The following GRIK1 variants were observed in gnomAD, a reference collection of about 807,000 sequenced individuals.
GRIK1 encodes the protein glutamate receptor ionotropic, kainate 1.
GRIK1 carries 69 observed loss-of-function variants against 105.7 expected under a neutral mutation model. The ratio of observed to expected loss-of-function variants is 0.65; its 90% CI spans 0.54 to 0.80. GRIK1 has a LOEUF of 0.80. Ranked by LOEUF, GRIK1 falls within the 30% of genes least tolerant of loss-of-function variation. The pLI is 0.00. For missense variants in GRIK1, 1,109 were observed against 1,167.3 expected (o/e 0.95, Z 0.73); for synonymous variants, 438 against 431.3 (o/e 1.02, Z -0.19).
chr21:29,918,845 A>T (rs2071093485), intron 1 of GRIK1, among the ~76,000 whole-genome samples: 1 of 152,066 alleles, frequency 6.6e-6, no homozygotes, highest in South Asian at 2.1e-4. Context: ...GAGATATTTC[A>T]GCCCCAATTG....
At chr21:29,760,268 G>T in intron 1 of GRIK1, 1 of 152,388 alleles carries the variant, frequency 6.6e-6, no homozygotes, top group Non-Finnish European at 1.5e-5. Flanking sequence ...TGGCCTGGTC[G>T]TCAGAGTATA....
At position 29,595,900 on chromosome 21, in the gene GRIK1, G is replaced by A. The variant is rs562690165; in HGVS notation, c.1251+626C>T. The A allele has an allele frequency of 1.5e-4, 24 of 161,258 alleles. No individual in the cohort carries two copies. The South Asian group carries it at 4.5e-3, about 30-fold the overall frequency. The allele number at this position is 161,258 out of a possible 1,614,324, so 10.0% of individuals were successfully genotyped here. On this transcript the variant is annotated intron_variant, in intron 9 of 17. Coordinates refer to ENST00000327783, the MANE Select transcript of GRIK1 (RefSeq NM_001330994.2). ...TATAATAAACTATAAAATAGTGGGT[G>A]TTATAATTCACAAGATAATCTCATT...
intron 1 of GRIK1, among the ~76,000 whole-genome samples, chr21:29,762,005 C>A (rs1228146408): frequency 2.0e-5 from 3 of 152,236 alleles, no homozygotes; most frequent in Admixed American, 2.0e-4. Context: ...GCCTTGGCCT[C>A]CCAAGTGCTG....
intron 14 of GRIK1, among the ~76,000 whole-genome samples, chr21:29,574,780 C>T (rs1264415474): frequency 1.3e-5 from 2 of 150,712 alleles, no homozygotes; most frequent in African/African-American, 4.9e-5. Flanking sequence ...CTCCGCCTCC[C>T]GGGTTCACGC....
chr21:29,543,443 G>A (rs2090002004), intron 16 of GRIK1, among the ~76,000 whole-genome samples: 1 of 152,180 alleles, frequency 6.6e-6, no homozygotes, highest in Admixed American at 6.5e-5. Context: ...GTGAAGGCAG[G>A]TGGAAGGAGA....
chr21:29,858,181 G>A (rs556739920), intron 1 of GRIK1, among the ~76,000 whole-genome samples: 5 of 152,288 alleles, frequency 3.3e-5, no homozygotes, highest in African/African-American at 1.2e-4. Context: ...TTACAGGCAT[G>A]AGCCACTGTG....
At chr21:29,858,109 A>C (rs970279303) in intron 1 of GRIK1, among the ~76,000 whole-genome samples, 1 of 152,120 alleles carries the variant, frequency 6.6e-6, no homozygotes, top group African/African-American at 2.4e-5. Context: ...TATGTTGGCC[A>C]GCTGGTCTCG....
chr21:29,850,237 C>T (rs68055656), intron 1 of GRIK1, among the ~76,000 whole-genome samples: 48,881 of 151,982 alleles, frequency 0.32, 8,544 homozygotes, highest in East Asian at 0.46. Flanking sequence ...ATAAATGGAA[C>T]ATTTATGTAG....
intron 1 of GRIK1, among the ~76,000 whole-genome samples, chr21:29,696,465 A>C (rs1445014249): frequency 6.6e-6 from 1 of 152,158 alleles, no homozygotes; most frequent in Non-Finnish European, 1.5e-5. Flanking sequence ...TCTGGAGTTG[A>C]TTTTCAGTTT....
intron 1 of GRIK1, among the ~76,000 whole-genome samples, chr21:29,787,139 C>A (rs2066281037): frequency 6.6e-6 from 1 of 152,174 alleles, no homozygotes; most frequent in Non-Finnish European, 1.5e-5. Context: ...TATAACCAGG[C>A]AAATTCGCTG....
At chr21:29,930,641 G>A (rs760655129) in intron 1 of GRIK1, among the ~76,000 whole-genome samples, 2 of 152,082 alleles carry the variant, frequency 1.3e-5, no homozygotes, top group South Asian at 4.1e-4. Flanking sequence ...ATATTCAACG[G>A]TAAATTATAT....
At chr21:29,722,410 G>T (rs1210588641) in intron 1 of GRIK1, among the ~76,000 whole-genome samples, 2 of 152,008 alleles carry the variant, frequency 1.3e-5, no homozygotes, top group Non-Finnish European at 2.9e-5. Context: ...CAAAAAATTA[G>T]CCAGGTGTGG....
At chr21:29,800,799 T>A (rs1288664175) in intron 1 of GRIK1, among the ~76,000 whole-genome samples, 1 of 152,050 alleles carries the variant, frequency 6.6e-6, no homozygotes, top group African/African-American at 2.4e-5. Context: ...CACACAAGTA[T>A]GAACAAAAAA....
At chr21:29,909,598 A>AT (rs1273996148) in intron 1 of GRIK1, among the ~76,000 whole-genome samples, 1 of 152,196 alleles carries the variant, frequency 6.6e-6, no homozygotes, top group African/African-American at 2.4e-5. Flanking sequence ...TCAAACTAAA[A>AT]TAGCTTTCAT....
intron 1 of GRIK1, among the ~76,000 whole-genome samples, chr21:29,860,540 T>G (rs937691929): frequency 1.3e-5 from 2 of 152,198 alleles, no homozygotes; most frequent in Non-Finnish European, 2.9e-5. Flanking sequence ...TGTCCACAAA[T>G]GGGTCAAAGA....
At chr21:29,884,235 G>A (rs1389439874) in intron 1 of GRIK1, among the ~76,000 whole-genome samples, 1 of 152,016 alleles carries the variant, frequency 6.6e-6, no homozygotes, top group Non-Finnish European at 1.5e-5. Flanking sequence ...GGTTCACAAA[G>A]CCAGATGCCA....
At chr21:29,854,575 C>T (rs954023673) in intron 1 of GRIK1, among the ~76,000 whole-genome samples, 2 of 152,056 alleles carry the variant, frequency 1.3e-5, no homozygotes, top group African/African-American at 4.8e-5. Context: ...AGACAAAATT[C>T]CCAGAGAATG....
At chr21:29,819,062 A>G in intron 1 of GRIK1, among the ~76,000 whole-genome samples, 1 of 152,098 alleles carries the variant, frequency 6.6e-6, no homozygotes, top group East Asian at 1.9e-4. Context: ...AGAGTAATTT[A>G]GGCCTCATGT....
At chr21:29,870,052 C>T (rs1053721447) in intron 1 of GRIK1, among the ~76,000 whole-genome samples, 2 of 151,962 alleles carry the variant, frequency 1.3e-5, no homozygotes, top group Admixed American at 6.6e-5. Context: ...CTATGTTCCT[C>T]ATAATATTTG....
Sources: gnomAD v4.1 joint callset for allele counts (sites outside exome capture counted in the v4.1 genomes callset) on GRCh38, gnomAD v4.1.1 for gene constraint, MANE v1.5 for transcripts, NCBI Gene and HGNC (gene_info 2026-07-23, HGNC 2026-07-21) for gene names.